Variants in SYNDIG1L observed in about 807,000 individuals in gnomAD.
The protein encoded by SYNDIG1L is synapse differentiation inducing 1 like, also known as synapse differentiation-inducing gene protein 1-like.
SYNDIG1L carries 13 observed loss-of-function variants against 20.1 expected under a neutral mutation model. The observed-to-expected ratio is 0.65, with a 90% CI of 0.42 to 1.03. SYNDIG1L has a LOEUF of 1.03. Among genes scored for constraint, SYNDIG1L ranks in the 50% least tolerant of loss-of-function variants. SYNDIG1L has a pLI of 0.00. For missense variants in SYNDIG1L, 294 were observed against 305.1 expected, an observed-to-expected ratio of 0.96 and a Z score of 0.27; for synonymous variants, 128 against 129.3, an observed-to-expected ratio of 0.99 and a Z score of 0.07.
the SYNDIG1L span, among the ~76,000 whole-genome samples, chr14:74,452,315 A>T: frequency 6.6e-6 from 1 of 152,276 alleles, no homozygotes; most frequent in South Asian, 2.1e-4. Context: ...CTGTGTCCCC[A>T]CCCAAGTCTC....
the SYNDIG1L span, among the ~76,000 whole-genome samples, chr14:74,477,688 G>A: frequency 6.6e-6 from 1 of 152,150 alleles, no homozygotes; most frequent in Non-Finnish European, 1.5e-5. Flanking sequence ...GGAGATATGA[G>A]GTGTTGGGTT....
chr14:74,461,865 T>C, the SYNDIG1L span, among the ~76,000 whole-genome samples: 2 of 143,820 alleles, frequency 1.4e-5, no homozygotes, highest in Non-Finnish European at 3.0e-5. Context: ...CAAGATTGCT[T>C]GAGCTCAGGA....
At chr14:74,432,042 G>GA in the SYNDIG1L span, among the ~76,000 whole-genome samples, 4 of 151,912 alleles carry the variant, frequency 2.6e-5, no homozygotes, top group Admixed American at 6.6e-5. Flanking sequence ...AGGGGGAAGT[G>GA]AAAAAATGCC....
chr14:74,449,438 C>CAAAAAAAAA, the SYNDIG1L span, among the ~76,000 whole-genome samples: 401 of 34,016 alleles, frequency 0.012, 120 homozygotes, highest in African/African-American at 0.018. Flanking sequence ...CCTGTCTTTA[C>CAAAAAAAAA]AAAAAAAAAA....
the SYNDIG1L span, among the ~76,000 whole-genome samples, chr14:74,466,162 C>T: frequency 1.3e-5 from 2 of 152,040 alleles, no homozygotes; most frequent in East Asian, 1.9e-4. Context: ...GCTCTGGCTG[C>T]GGGAGCCTGA....
chr14:74,472,110 G>A, the SYNDIG1L span: 1 of 152,038 alleles, frequency 6.6e-6, no homozygotes, highest in Non-Finnish European at 1.5e-5. Context: ...TACACCCAAG[G>A]AACACAAGTA....
At chr14:74,412,738 C>T (rs1011972810) in intron 1 of SYNDIG1L, among the ~76,000 whole-genome samples, 3 of 152,192 alleles carry the variant, frequency 2.0e-5, no homozygotes, top group Non-Finnish European at 1.5e-5. Flanking sequence ...TCGGGCTTCC[C>T]GACTGCCCCT....
chr14:74,459,792 T>C, the SYNDIG1L span, among the ~76,000 whole-genome samples: 1 of 152,178 alleles, frequency 6.6e-6, no homozygotes, highest in African/African-American at 2.4e-5. Flanking sequence ...GGCTGAGTCA[T>C]GGCACCAGCC....
chr14:74,465,965 A>G, the SYNDIG1L span, among the ~76,000 whole-genome samples: 2 of 152,200 alleles, frequency 1.3e-5, no homozygotes, highest in South Asian at 2.1e-4. Flanking sequence ...GCCCGGTCCA[A>G]GGATCTCTCC....
At chr14:74,439,001 C>A in the SYNDIG1L span, among the ~76,000 whole-genome samples, 2 of 151,816 alleles carry the variant, frequency 1.3e-5, no homozygotes, top group East Asian at 3.9e-4. Context: ...GTAATCCCAG[C>A]TACTTGGGAG....
chr14:74,445,843 AAT>A, the SYNDIG1L span, among the ~76,000 whole-genome samples: 1 of 152,194 alleles, frequency 6.6e-6, no homozygotes, highest in African/African-American at 2.4e-5. Flanking sequence ...TGTTTGTACA[AAT>A]ATGTCTATAT....
the SYNDIG1L span, among the ~76,000 whole-genome samples, chr14:74,454,508 C>T: frequency 6.6e-6 from 1 of 152,144 alleles, no homozygotes; most frequent in East Asian, 1.9e-4. Context: ...AGAGAGCAGC[C>T]CTGAGAAGCT....
At chr14:74,425,795 C>CG (rs1317084412) in intron 1 of SYNDIG1L, 117 bp downstream of exon 1, 2 of 152,226 alleles carry the variant, frequency 1.3e-5, no homozygotes, top group African/African-American at 4.8e-5. Context: ...GCGCAAGGTG[C>CG]GGCCAAGCAG....
the SYNDIG1L span, among the ~76,000 whole-genome samples, chr14:74,466,679 C>T: frequency 9.9e-5 from 15 of 152,180 alleles, no homozygotes; most frequent in African/African-American, 3.6e-4. Context: ...TCTCCCCTCC[C>T]GCTTCCATCA....
chr14:74,448,319 T>C, the SYNDIG1L span, among the ~76,000 whole-genome samples: 1 of 152,122 alleles, frequency 6.6e-6, no homozygotes, highest in African/African-American at 2.4e-5. Flanking sequence ...AAAAAAGATA[T>C]ACCATGCTCC....
At chr14:74,407,730 C>T (rs1158563554) in intron 3 of SYNDIG1L, 37 bp from the exon 4 acceptor site, 6 of 1,577,812 alleles carry the variant, frequency 3.8e-6, no homozygotes, top group Middle Eastern at 1.7e-4. Context: ...AGGAGTGTCC[C>T]CACACCCAGC....
At position 74,411,891 on chromosome 14, in the gene SYNDIG1L, C is replaced by T. The variant is rs148141711; in HGVS notation, c.-57-2090G>A. On this transcript the variant is annotated intron_variant, in intron 1 of 3. Transcript: ENST00000331628. ...CTCAGAGAAGGGGTTGTGGCCCAAGCGCCAGCTCCTCCCCCAGGGAGGGCA... is the reference window on the plus strand; with the variant it reads ...CTCAGAGAAGGGGTTGTGGCCCAAGTGCCAGCTCCTCCCCCAGGGAGGGCA... Among the ~76,000 whole-genome samples the T allele has an allele frequency of 1.9e-3, 295 of 152,292 alleles. 3 individuals carry two copies. Among genetic ancestry groups the T allele is most frequent in the African/African-American group, 6.5e-3 (271 of 41,568 alleles).
At chr14:74,473,598 A>C in the SYNDIG1L span, among the ~76,000 whole-genome samples, 12 of 152,256 alleles carry the variant, frequency 7.9e-5, no homozygotes, top group South Asian at 2.3e-3. Flanking sequence ...ACATGTGACT[A>C]TCATGGCTTT....
At position 74,407,537 on chromosome 14, in the gene SYNDIG1L, A is replaced by T; in HGVS notation, c.715T>A (p.Ter239LysextTer1). The change falls in exon 4 of 4, where the codon TAG (stop) becomes AAG (lysine). Residue 239 changes from the stop codon to lysine (K), a stop_lost. Coordinates refer to ENST00000331628, the MANE Select transcript of SYNDIG1L (RefSeq NM_001105579.2). ...AAYMSQNGHG* is the reference protein window; with the variant it reads ...AAYMSQNGHGK ...CAGGATGCAGGCCCTACTGGCTACT[A>T]GCCATGACCGTTCTGGGACATGTAA... 1 of 1,613,720 alleles carries T rather than the reference A, an allele frequency of 6.2e-7. No homozygotes were observed. Among genetic ancestry groups the T allele is most frequent in the Non-Finnish European group, 8.5e-7 (1 of 1,179,866 alleles).
Sources: allele counts gnomAD v4.1 joint callset (sites outside exome capture counted in the v4.1 genomes callset), GRCh38; gene constraint gnomAD v4.1.1; transcripts MANE v1.5; gene names NCBI Gene and HGNC (gene_info 2026-07-23, HGNC 2026-07-21).